Variants in CFLAR observed in about 807,000 individuals in gnomAD.
CFLAR encodes the protein CASP8 and FADD like apoptosis regulator.
Under a neutral mutation model 51.1 loss-of-function variants are expected in CFLAR, and 14 were observed. The ratio of observed to expected loss-of-function variants is 0.27; its 90% CI spans 0.18 to 0.43. The LOEUF is 0.43. Ranked by LOEUF, CFLAR falls within the 20% of genes least tolerant of loss-of-function variation. The pLI is 1.00. For missense variants in CFLAR, 390 were observed against 566.5 expected (o/e 0.69, Z 3.16); for synonymous variants, 210 against 211.6 (o/e 0.99, Z 0.06).
rs569165876 is a variant in CFLAR at position 201,138,817 on chromosome 2, C to T, written c.524-1540C>T. The T allele has an allele frequency of 9.8e-5, 74 of 751,400 alleles. 1 individual carries two copies. The highest frequency in any genetic ancestry group is 7.4e-4 in the Middle Eastern group (2 of 2,698). 46.5% of individuals were successfully genotyped at this position (751,400 alleles called of 1,614,324 possible). A position where few individuals can be genotyped will look rare whatever the true frequency, so the allele number is the denominator to read the frequency against. On this transcript the variant is annotated intron_variant, in intron 4 of 9. Coordinates refer to ENST00000309955, the MANE Select transcript of CFLAR (RefSeq NM_003879.7). This position sits in a 1 kb window ranked among gnomAD's most constrained non-coding sequence, Gnocchi z 4.0. ...CCAGTACCTCCCATCAGAGCCATCACGATGGCCAGGTCGGCCTCTGTCACA... is the reference window on the plus strand; with the variant it reads ...CCAGTACCTCCCATCAGAGCCATCATGATGGCCAGGTCGGCCTCTGTCACA...
At chr2:201,149,345 G>C (rs1180510959) in intron 7 of CFLAR, 1 of 312,944 alleles carries the variant, frequency 3.2e-6, no homozygotes. Context: ...ACTTTGGCTT[G>C]TTCTGGCTTT....
Position 201,164,048 on chromosome 2 carries a change from T to G in CFLAR, c.*75T>G. The G allele has an allele frequency of 7.7e-7, 1 of 1,296,090 alleles. No homozygotes were observed. Among genetic ancestry groups the G allele is most frequent in the Non-Finnish European group, 1.1e-6 (1 of 938,496 alleles). 80.3% of individuals were successfully genotyped at this position (1,296,090 alleles called of 1,614,324 possible). A position where few individuals can be genotyped will look rare whatever the true frequency, so the allele number is the denominator to read the frequency against. Reference sequence around the variant, plus strand: ...TGGGAGGCCAAGGAGGGCAGATCACTTCAGGTCAGGAGTTCGAGACCAGCC... The same window carrying G: ...TGGGAGGCCAAGGAGGGCAGATCACGTCAGGTCAGGAGTTCGAGACCAGCC... On this transcript the variant is annotated 3_prime_UTR_variant, in exon 10 of 10. Transcript: ENST00000309955.
Position 201,138,287 on chromosome 2 carries a change from T to C in CFLAR, c.524-2070T>C, listed in dbSNP as rs7560613. On this transcript the variant is annotated intron_variant, in intron 4 of 9. Transcript: ENST00000309955. This position sits in a 1 kb window ranked among gnomAD's most constrained non-coding sequence, Gnocchi z 4.0. Reference sequence around the variant, plus strand: ...GCCTACCTGGGTGAGCAGGTCCAGGTGGTATTTGTCATCCTCATGGGTACC... The same window carrying C: ...GCCTACCTGGGTGAGCAGGTCCAGGCGGTATTTGTCATCCTCATGGGTACC... The C allele has an allele frequency of 0.19, 150,022 of 787,886 alleles. 16,941 individuals are homozygous for C. The highest frequency in any genetic ancestry group is 0.39 in the African/African-American group (23,228 of 59,152). The allele number at this position is 787,886 out of a possible 1,614,324, so 48.8% of individuals were successfully genotyped here.
chr2:201,130,187 G>GGGGCA, intron 2 of CFLAR, 41 bp downstream of exon 2: 8 of 292,374 alleles, frequency 2.7e-5, no homozygotes, highest in East Asian at 9.3e-5. Context: ...GGGTGGGAGG[G>GGGGCA]AGTGAAGTGT....
chr2:201,167,172 G>T lies in CFLAR; in HGVS notation c.*3199G>T, dbSNP rs1943682037. ...GTAACAGAGTCTGAAAAGTGTCGAA[G>T]AGACAGTTTTCAGGAACAACAAGCA... On this transcript the variant is annotated 3_prime_UTR_variant, in exon 10 of 10. Coordinates refer to ENST00000309955, the MANE Select transcript of CFLAR (RefSeq NM_003879.7). 1 of 152,044 alleles carries T rather than the reference G, an allele frequency of 6.6e-6. No homozygotes were observed. Among genetic ancestry groups the T allele is most frequent in the Non-Finnish European group, 1.5e-5 (1 of 68,028 alleles). The allele number at this position is 152,044 out of a possible 1,614,324, so 9.4% of individuals were successfully genotyped here.
intron 8 of CFLAR, among the ~76,000 whole-genome samples, chr2:201,151,955 A>G (rs1941348909): frequency 6.6e-6 from 1 of 151,444 alleles, no homozygotes; most frequent in African/African-American, 2.4e-5. Flanking sequence ...GACCTTGGGC[A>G]ATGTCCCTGG....
chr2:201,133,065 A>G lies in CFLAR; in HGVS notation c.318A>G (p.Lys106=), dbSNP rs1485086729. Residue 106 remains lysine (K), a synonymous_variant, in exon 3 of 10, where the codon AAA becomes AAG. Coordinates refer to ENST00000309955, the MANE Select transcript of CFLAR (RefSeq NM_003879.7). ...CAGAGATTGGTGAGGATTTGGATAA[A>G]TCTGATGTGTCCTCATTAATTTTCC... ...LMAEIGEDLD[K]SDVSSLIFLM... 6.2e-7 allele frequency: 1 copy of G among 1,610,680 alleles called. No homozygotes were observed. Among genetic ancestry groups the G allele is most frequent in the Non-Finnish European group, 8.5e-7 (1 of 1,176,830 alleles).
At chr2:201,140,205 A>G in intron 4 of CFLAR, 152 bp from the exon 5 acceptor site, 1 of 863,870 alleles carries the variant, frequency 1.2e-6, no homozygotes, top group Middle Eastern at 3.4e-4. Flanking sequence ...GTTTGGTCGA[A>G]GAGTCATCTG....
intron 1 of CFLAR, among the ~76,000 whole-genome samples, chr2:201,120,750 C>G (rs1420128196): frequency 6.6e-6 from 1 of 152,118 alleles, no homozygotes; most frequent in Admixed American, 6.5e-5. Flanking sequence ...GAGTTTTTTC[C>G]TTGAACTTCC....
intron 6 of CFLAR, chr2:201,146,145 T>C (rs987108141): frequency 8.6e-5 from 13 of 151,578 alleles, no homozygotes; most frequent in African/African-American, 3.2e-4. Context: ...TTTTTTCTTA[T>C]CTTTTCTTTT....
intron 3 of CFLAR, among the ~76,000 whole-genome samples, chr2:201,133,781 A>G (rs2125694781): frequency 6.6e-6 from 1 of 151,940 alleles, no homozygotes; most frequent in East Asian, 1.9e-4. Flanking sequence ...ATACAAAAAA[A>G]GTAGCCGGGT....
At position 201,169,444 on chromosome 2, in the gene CFLAR, T is replaced by G. The variant is rs1943876835; in HGVS notation, c.*5471T>G. The G allele has an allele frequency of 6.6e-6, 1 of 152,156 alleles. No homozygotes were observed. Among genetic ancestry groups the G allele is most frequent in the South Asian group, 2.1e-4 (1 of 4,832 alleles). The allele number at this position is 152,156 out of a possible 1,614,324, so 9.4% of individuals were successfully genotyped here. A position where few individuals can be genotyped will look rare whatever the true frequency, so the allele number is the denominator to read the frequency against. ...TTGAAACTGACCCCTTCCTTACACC[T>G]TATACAAAAATTAACTCAAGATTAA... On this transcript the variant is annotated 3_prime_UTR_variant, in exon 10 of 10. Transcript: ENST00000309955.
At chr2:201,136,151 G>A (rs911625536) in intron 4 of CFLAR, 44 bp downstream of exon 4, 1 of 1,612,652 alleles carries the variant, frequency 6.2e-7, no homozygotes, top group African/African-American at 1.3e-5. Flanking sequence ...AGTACTCTGT[G>A]CATGGGGGTG....
Position 201,133,723 on chromosome 2 carries a change from G to T in CFLAR, c.387+589G>T, listed in dbSNP as rs111365977. On this transcript the variant is annotated intron_variant, in intron 3 of 9. Coordinates refer to ENST00000309955, the MANE Select transcript of CFLAR (RefSeq NM_003879.7). Reference sequence around the variant, plus strand: ...AGGTGGGTGGATCACGAGGTCAGGAGATCGAGACCAACCTGGCTAACACGG... The same window carrying T: ...AGGTGGGTGGATCACGAGGTCAGGATATCGAGACCAACCTGGCTAACACGG... Among the ~76,000 whole-genome samples, 1,219 of 152,138 alleles carry T rather than the reference G, an allele frequency of 8.0e-3. 23 individuals are homozygous for T. The highest frequency in any genetic ancestry group is 0.028 in the African/African-American group (1,177 of 41,472).
rs578019881 is a variant in CFLAR at position 201,137,846 on chromosome 2, T to C, written c.523+1739T>C. 4.1e-5 allele frequency: 40 copies of C among 984,252 alleles called. No homozygotes were observed. The East Asian group carries it at 9.1e-4, about 22-fold the overall frequency. The allele number at this position is 984,252 out of a possible 1,614,324, so 61.0% of individuals were successfully genotyped here. ...TGCCCTGGTACTTCTTGAGCTGCATTCCGTCTGAGAAGAAGCACTCGCCGG... is the reference window on the plus strand; with the variant it reads ...TGCCCTGGTACTTCTTGAGCTGCATCCCGTCTGAGAAGAAGCACTCGCCGG... On this transcript the variant is annotated intron_variant, in intron 4 of 9. Coordinates refer to ENST00000309955, the MANE Select transcript of CFLAR (RefSeq NM_003879.7).
At chr2:201,136,387 G>A (rs989368181) in intron 4 of CFLAR, 1 of 1,598,440 alleles carries the variant, frequency 6.3e-7, no homozygotes. Flanking sequence ...TGCACAGGCT[G>A]GCAGAGCTAT....
rs2047580376 is a variant in CFLAR, at chr2:201,116,284, T to G, written c.-335T>G. On this transcript the variant is annotated 5_prime_UTR_variant, in exon 1 of 10. Transcript: ENST00000309955. This position sits in a 1 kb window ranked among gnomAD's most constrained non-coding sequence, Gnocchi z 4.8. The stretch of plus-strand genomic sequence containing the variant: ...CACAGTGAGTGCCGGCTATTGGACT[T>G]TTGTCCAGTGACAGCTGAGACAACA... 1 of 152,208 alleles carries G rather than the reference T, an allele frequency of 6.6e-6. No homozygotes were observed. Among genetic ancestry groups the G allele is most frequent in the African/African-American group, 2.4e-5 (1 of 41,454 alleles). 9.4% of individuals were successfully genotyped at this position (152,208 alleles called of 1,614,324 possible).
rs568356005 is a variant in CFLAR, at chr2:201,174,640, C to T, written c.*10667C>T. On this transcript the variant is annotated 3_prime_UTR_variant, in exon 10 of 10. Transcript: ENST00000309955. ...TCAAACAATCCTCCCACCTCCACCT[C>T]CCAAAGTGCTGAGGGGTGAGCCACT... The T allele has an allele frequency of 2.0e-5, 3 of 152,338 alleles. No individual in the cohort carries two copies. Among genetic ancestry groups the T allele is most frequent in the African/African-American group, 7.2e-5 (3 of 41,556 alleles). The allele number at this position is 152,338 out of a possible 1,614,324, so 9.4% of individuals were successfully genotyped here. A position where few individuals can be genotyped will look rare whatever the true frequency, so the allele number is the denominator to read the frequency against.
At chr2:201,127,279 G>A (rs529585194) in intron 1 of CFLAR, among the ~76,000 whole-genome samples, 1 of 152,326 alleles carries the variant, frequency 6.6e-6, no homozygotes, top group Non-Finnish European at 1.5e-5. Flanking sequence ...CTCTTCAGAA[G>A]AGGCGAATGG....
Sources: gnomAD v4.1 joint callset for allele counts (sites outside exome capture counted in the v4.1 genomes callset) on GRCh38, gnomAD v4.1.1 for gene constraint, Gnocchi (gnomAD v3.1) non-coding constraint, MANE v1.5 for transcripts, NCBI Gene and HGNC (gene_info 2026-07-23, HGNC 2026-07-21) for gene names.